EEIG2: variants seen among roughly 807,000 people sequenced by gnomAD.
EEIG2 encodes the protein family with sequence similarity 102 member B.
chr1:108,609,501 A>G, the EEIG2 span, among the ~76,000 whole-genome samples: 2,359 of 152,284 alleles, frequency 0.015, 34 homozygotes, highest in Middle Eastern at 0.085. Context: ...TAGAGAGATG[A>G]CTTTTAAACA....
the EEIG2 span, among the ~76,000 whole-genome samples, chr1:108,596,737 G>GT: frequency 1.7e-4 from 25 of 150,158 alleles, no homozygotes; most frequent in African/African-American, 4.6e-4. Flanking sequence ...CTATTTTTCT[G>GT]TTTTTTTGTT....
the EEIG2 span, among the ~76,000 whole-genome samples, chr1:108,590,775 T>C: frequency 6.6e-6 from 1 of 152,242 alleles, no homozygotes; most frequent in African/African-American, 2.4e-5. Context: ...GTTAAAAATA[T>C]ACTGAATTAC....
the EEIG2 span, among the ~76,000 whole-genome samples, chr1:108,617,908 C>T: frequency 1.2e-3 from 187 of 152,274 alleles, 1 homozygote; most frequent in African/African-American, 4.3e-3. Flanking sequence ...AGTATAGAGA[C>T]TATTGATGAC....
chr1:108,572,647 G>T, the EEIG2 span, among the ~76,000 whole-genome samples: 1 of 151,884 alleles, frequency 6.6e-6, no homozygotes, highest in Admixed American at 6.6e-5. Flanking sequence ...ACGGAGTCTC[G>T]CCCTGTCGCC....
At chr1:108,569,726 G>GGGACT in the EEIG2 span, among the ~76,000 whole-genome samples, 1 of 152,076 alleles carries the variant, frequency 6.6e-6, no homozygotes, top group East Asian at 1.9e-4. Flanking sequence ...CACTATAGCT[G>GGGACT]GGACTGGACA....
chr1:108,574,399 G>T, the EEIG2 span, among the ~76,000 whole-genome samples: 1 of 152,150 alleles, frequency 6.6e-6, no homozygotes, highest in African/African-American at 2.4e-5. Context: ...TAGAGTTTTG[G>T]TTTTGTGAGA....
chr1:108,622,845 T>G, the EEIG2 span, among the ~76,000 whole-genome samples: 2 of 152,238 alleles, frequency 1.3e-5, no homozygotes, highest in Non-Finnish European at 2.9e-5. Context: ...GCAGGTCAGC[T>G]GCATGATTCC....
chr1:108,616,095 AATTGAAT>A, the EEIG2 span, among the ~76,000 whole-genome samples: 8 of 149,010 alleles, frequency 5.4e-5, no homozygotes, highest in African/African-American at 2.0e-4. Context: ...ATGGAGCAGT[AATTGAAT>A]ATTGAATATA....
chr1:108,600,605 G>A, the EEIG2 span: 1 of 1,611,678 alleles, frequency 6.2e-7, no homozygotes, highest in Non-Finnish European at 8.5e-7. Context: ...GGAGAAAGAA[G>A]TTCTCATTTA....
At chr1:108,560,743 T>C in the EEIG2 span, among the ~76,000 whole-genome samples, 2 of 152,106 alleles carry the variant, frequency 1.3e-5, no homozygotes, top group African/African-American at 4.8e-5. Context: ...CCTTGGTTCC[T>C]GCGCTCCTGA....
chr1:108,628,158 A>G, the EEIG2 span: 2 of 1,613,132 alleles, frequency 1.2e-6, no homozygotes, highest in Middle Eastern at 1.7e-4. Context: ...ATGTTATGAC[A>G]TATTACAGAT....
At chr1:108,590,301 C>G in the EEIG2 span, among the ~76,000 whole-genome samples, 2 of 152,094 alleles carry the variant, frequency 1.3e-5, no homozygotes, top group Admixed American at 1.3e-4. Context: ...ATTTTTGCCT[C>G]TGTTCCCACA....
chr1:108,624,541 A>G, the EEIG2 span: 1 of 794,188 alleles, frequency 1.3e-6, no homozygotes, highest in Non-Finnish European at 2.0e-6. Flanking sequence ...AAGGGGTAAC[A>G]TTACCAAGCA....
the EEIG2 span, chr1:108,624,704 A>T: frequency 6.2e-7 from 1 of 1,614,110 alleles, no homozygotes; most frequent in Non-Finnish European, 8.5e-7. Flanking sequence ...TTGCAAGAAG[A>T]TAGAAAAGGT....
chr1:108,587,132 G>A, the EEIG2 span, among the ~76,000 whole-genome samples: 5 of 152,248 alleles, frequency 3.3e-5, 1 homozygote, highest in East Asian at 3.9e-4. Context: ...TTGGGCTGGT[G>A]TAGAATCCAT....
chr1:108,568,799 C>T, the EEIG2 span, among the ~76,000 whole-genome samples: 1 of 152,142 alleles, frequency 6.6e-6, no homozygotes, highest in Admixed American at 6.5e-5. Context: ...CATCCGAATT[C>T]CAGCCACTGG....
At chr1:108,624,772 T>G in the EEIG2 span, 1 of 1,598,438 alleles carries the variant, frequency 6.3e-7, no homozygotes, top group South Asian at 1.1e-5. Flanking sequence ...GCTTACTGGT[T>G]TTTTAATTTG....
chr1:108,629,537 C>A, the EEIG2 span: 2 of 1,214,266 alleles, frequency 1.6e-6, no homozygotes, highest in Non-Finnish European at 2.4e-6. Flanking sequence ...ATATATTTGA[C>A]AATAGTCTAA....
At chr1:108,560,612 C>T in the EEIG2 span, 35 of 1,589,676 alleles carry the variant, frequency 2.2e-5, 2 homozygotes, top group Middle Eastern at 3.4e-4. Context: ...TTGGCCAGGG[C>T]TTGTTGGATG....
Sources: gnomAD v4.1 joint callset for allele counts (sites outside exome capture counted in the v4.1 genomes callset) on GRCh38, gnomAD v4.1.1 for gene constraint, MANE v1.5 for transcripts, NCBI Gene and HGNC (gene_info 2026-07-23, HGNC 2026-07-21) for gene names.